Variants in MB21D2 observed in about 807,000 individuals in gnomAD.
MB21D2 encodes the protein nucleotidyltransferase MB21D2.
A neutral mutation model predicts 33.3 loss-of-function variants in MB21D2; 9 were observed. That is an observed-to-expected ratio of 0.27 (90% CI 0.16 to 0.47). The LOEUF is 0.47. Among genes scored for constraint, MB21D2 ranks in the 20% least tolerant of loss-of-function variants. The pLI, the probability that MB21D2 is intolerant of heterozygous loss-of-function variation, is 0.99. For missense variants in MB21D2, 540 were observed against 624.6 expected, an observed-to-expected ratio of 0.86 and a Z score of 1.44; for synonymous variants, 241 against 236.3, an observed-to-expected ratio of 1.02 and a Z score of -0.18.
intron 1 of MB21D2, among the ~76,000 whole-genome samples, chr3:192,820,129 G>A (rs1708209502): frequency 6.6e-6 from 1 of 152,098 alleles, no homozygotes; most frequent in African/African-American, 2.4e-5. Context: ...AAAGGGGAGG[G>A]AGATGCGATA....
chr3:192,882,366 C>T (rs1247131484), intron 1 of MB21D2, among the ~76,000 whole-genome samples: 2 of 91,176 alleles, frequency 2.2e-5, no homozygotes, highest in Non-Finnish European at 4.1e-5. Context: ...TGAGCCACTG[C>T]GCCCCGCACA....
At chr3:192,917,558 G>GGA in intron 1 of MB21D2, 72 bp downstream of exon 1, 14 of 1,529,918 alleles carry the variant, frequency 9.2e-6, no homozygotes, top group Non-Finnish European at 1.2e-5. Flanking sequence ...TCGAGAAGCG[G>GGA]CAATGGGTTT....
chr3:192,879,089 C>A (rs776319419), intron 1 of MB21D2, among the ~76,000 whole-genome samples: 1 of 152,198 alleles, frequency 6.6e-6, no homozygotes, highest in African/African-American at 2.4e-5. Flanking sequence ...CTTCTGCAGG[C>A]CTTCCCTATC....
Position 192,827,930 on chromosome 3 carries a change from T to C in MB21D2, c.212-28280A>G, listed in dbSNP as rs75023997. ...GTGAGAGGGATCAGGTGGGAGATCATTGAATCATGGGATTGGTTTCCCCCA... is the reference window on the plus strand; with the variant it reads ...GTGAGAGGGATCAGGTGGGAGATCACTGAATCATGGGATTGGTTTCCCCCA... On this transcript the variant is annotated intron_variant, in intron 1 of 1. Transcript: ENST00000392452. Among the ~76,000 whole-genome samples, 56 of 152,224 alleles carry C rather than the reference T, an allele frequency of 3.7e-4. No homozygotes were observed. The East Asian group carries it at 6.6e-3, about 18-fold the overall frequency.
chr3:192,798,325 A>C lies in MB21D2; in HGVS notation c.*61T>G. The C allele has an allele frequency of 6.4e-7, 1 of 1,553,578 alleles. No homozygotes were observed. Among genetic ancestry groups the C allele is most frequent in the East Asian group, 2.2e-5 (1 of 44,448 alleles). ...ATGTAAAAAACAGAAAGATAGCATC[A>C]CAAACCACACGACACATTATCAGAG... On this transcript the variant is annotated 3_prime_UTR_variant, in exon 2 of 2. Transcript: ENST00000392452. The surrounding 1 kb of genome is among the most constrained non-coding windows in gnomAD (Gnocchi z 4.8).
At chr3:192,806,098 G>A (rs1197137208) in intron 1 of MB21D2, among the ~76,000 whole-genome samples, 1 of 152,206 alleles carries the variant, frequency 6.6e-6, no homozygotes, top group East Asian at 1.9e-4. Flanking sequence ...GCAGGCAGAG[G>A]GCAGGCTGGA....
intron 1 of MB21D2, among the ~76,000 whole-genome samples, chr3:192,851,919 T>C (rs1033881516): frequency 2.6e-5 from 4 of 152,174 alleles, no homozygotes; most frequent in Non-Finnish European, 5.9e-5. Flanking sequence ...TGCTGTCAAA[T>C]AAACTAAGTA....
chr3:192,849,643 C>T (rs1036350587), intron 1 of MB21D2, among the ~76,000 whole-genome samples: 2 of 152,164 alleles, frequency 1.3e-5, no homozygotes, highest in African/African-American at 4.8e-5. Flanking sequence ...TTTAATATTT[C>T]AACCACTTTA....
chr3:192,905,601 C>T (rs1714195258), intron 1 of MB21D2, among the ~76,000 whole-genome samples: 1 of 143,064 alleles, frequency 7.0e-6, no homozygotes, highest in East Asian at 2.1e-4. Flanking sequence ...CAAGACATTG[C>T]ACTCCAGCCT....
chr3:192,883,067 C>G (rs539087145), intron 1 of MB21D2, among the ~76,000 whole-genome samples: 1 of 152,126 alleles, frequency 6.6e-6, no homozygotes, highest in East Asian at 1.9e-4. Flanking sequence ...GGGGTTTCAC[C>G]ATGTAGGCCA....
chr3:192,887,166 A>ATATC (rs1713750397), intron 1 of MB21D2, among the ~76,000 whole-genome samples: 1 of 152,062 alleles, frequency 6.6e-6, no homozygotes, highest in Admixed American at 6.5e-5. Flanking sequence ...ACTTTTTAAG[A>ATATC]GACAAAGTCT....
rs899727135 is a variant in MB21D2 at position 192,806,074 on chromosome 3, C to T, written c.212-6424G>A. 2.6e-5 allele frequency among the ~76,000 whole-genome samples: 4 copies of T among 152,210 alleles called. No individual in the cohort carries two copies. In the East Asian group the frequency reaches 5.8e-4, roughly 22 times the overall value. On this transcript the variant is annotated intron_variant, in intron 1 of 1. Transcript: ENST00000392452. ...TCTGAGTGAATGCCATCGTGTGGCA[C>T]GACACACAGGGTGGCAGGCAGAGGG... is the stretch of plus-strand genomic sequence containing the variant.
chr3:192,869,373 G>T (rs1713242208), intron 1 of MB21D2, among the ~76,000 whole-genome samples: 1 of 146,594 alleles, frequency 6.8e-6, no homozygotes, highest in African/African-American at 2.6e-5. Flanking sequence ...AAAGGAAGAA[G>T]GGAAGGAGAA....
intron 1 of MB21D2, among the ~76,000 whole-genome samples, chr3:192,839,205 C>T (rs1434086232): frequency 1.3e-5 from 2 of 152,076 alleles, no homozygotes; most frequent in African/African-American, 4.8e-5. Context: ...TGCTTATAAG[C>T]AAAAATATAT....
intron 1 of MB21D2, among the ~76,000 whole-genome samples, chr3:192,911,852 T>G (rs902842418): frequency 2.6e-5 from 4 of 152,138 alleles, no homozygotes; most frequent in African/African-American, 7.2e-5. Context: ...TTCTCAGAGA[T>G]AGAACAAACT....
At position 192,890,927 on chromosome 3, in the gene MB21D2, A is replaced by C. The variant is rs1030240406; in HGVS notation, c.211+26703T>G. Among the ~76,000 whole-genome samples the C allele has an allele frequency of 3.3e-5, 5 of 152,110 alleles. No individual in the cohort carries two copies. In the South Asian group the frequency reaches 1.0e-3, roughly 31 times the overall value. On this transcript the variant is annotated intron_variant, in intron 1 of 1. Coordinates refer to ENST00000392452, the MANE Select transcript of MB21D2 (RefSeq NM_178496.4). ...AATATTACTCATAAAAACTCAGTTT[A>C]TCCTGCGTGGGGGAAGAAATGATAG...
rs143185045 is a variant in MB21D2, at chr3:192,803,855, G to C, written c.212-4205C>G. On this transcript the variant is annotated intron_variant, in intron 1 of 1. Coordinates refer to ENST00000392452, the MANE Select transcript of MB21D2 (RefSeq NM_178496.4). ...GCTGTTAGATTATCCAAAGCTATGA[G>C]TGGGAACAGAAGGAAGATGCACATA... 9.8e-5 allele frequency among the ~76,000 whole-genome samples: 15 copies of C among 152,286 alleles called. No individual in the cohort carries two copies. The East Asian group carries it at 2.7e-3, about 27-fold the overall frequency.
intron 1 of MB21D2, among the ~76,000 whole-genome samples, chr3:192,809,998 G>C (rs1359943453): frequency 6.6e-6 from 1 of 152,180 alleles, no homozygotes; most frequent in African/African-American, 2.4e-5. Context: ...TTAATTTGAA[G>C]GTCATATCCC....
At chr3:192,862,935 T>C (rs1170413902) in intron 1 of MB21D2, among the ~76,000 whole-genome samples, 1 of 152,170 alleles carries the variant, frequency 6.6e-6, no homozygotes, top group Non-Finnish European at 1.5e-5. Context: ...CACACTCCCA[T>C]GGCAGAAAGG....
Sources: allele counts gnomAD v4.1 joint callset (sites outside exome capture counted in the v4.1 genomes callset), GRCh38; gene constraint gnomAD v4.1.1; non-coding constraint Gnocchi (gnomAD v3.1); transcripts MANE v1.5; gene names NCBI Gene and HGNC (gene_info 2026-07-23, HGNC 2026-07-21).